The following CACNA1C variants were observed in gnomAD, a reference collection of about 807,000 sequenced individuals.
The protein encoded by CACNA1C is calcium voltage-gated channel subunit alpha1 C.
Under a neutral mutation model 229.0 loss-of-function variants are expected in CACNA1C, and 30 were observed. The ratio of observed to expected loss-of-function variants is 0.13; its 90% CI spans 0.10 to 0.18. The LOEUF (loss-of-function observed/expected upper bound fraction) is 0.18, where lower values mean the gene tolerates loss of function less well. Ranked by LOEUF, CACNA1C falls within the 10% of genes least tolerant of loss-of-function variation. The pLI is 1.00. For missense variants in CACNA1C, 1,658 were observed against 2,845.0 expected, an observed-to-expected ratio of 0.58 and a Z score of 9.49; for synonymous variants, 1,114 against 1,132.5, an observed-to-expected ratio of 0.98 and a Z score of 0.33.
chr12:1,988,233 C>A (rs112597841), intron 1 of CACNA1C, among the ~76,000 whole-genome samples: 4,165 of 152,302 alleles, frequency 0.027, 94 homozygotes, highest in Middle Eastern at 0.054. Context: ...ATTGTTACCT[C>A]TGTGCCATGT....
intron 13 of CACNA1C, among the ~76,000 whole-genome samples, chr12:2,580,493 G>A (rs1283665454): frequency 6.6e-6 from 1 of 152,160 alleles, no homozygotes; most frequent in African/African-American, 2.4e-5. Context: ...GGAGGCAGGT[G>A]GGCCAGAGGG....
intron 3 of CACNA1C, among the ~76,000 whole-genome samples, chr12:2,249,191 C>T (rs1566663182): frequency 6.6e-6 from 1 of 152,172 alleles, no homozygotes. Flanking sequence ...CTGGGCCTCA[C>T]TTTTCTCATC....
intron 5 of CACNA1C, among the ~76,000 whole-genome samples, chr12:2,484,135 C>A (rs2099688005): frequency 6.6e-6 from 1 of 152,184 alleles, no homozygotes; most frequent in African/African-American, 2.4e-5. Context: ...CATAACATTT[C>A]AAACTGAGGT....
chr12:2,357,393 T>G (rs1411131468), intron 3 of CACNA1C, among the ~76,000 whole-genome samples: 4 of 152,212 alleles, frequency 2.6e-5, no homozygotes, highest in African/African-American at 9.7e-5. Flanking sequence ...CTTGGCCTTC[T>G]TAAAGATGTA....
At position 2,512,747 on chromosome 12, in the gene CACNA1C, A is replaced by G; in HGVS notation, c.1218-65A>G. The G allele has an allele frequency of 8.0e-7, 1 of 1,249,060 alleles. No individual in the cohort carries two copies. The highest frequency in any genetic ancestry group is 2.4e-5 in the East Asian group (1 of 40,894). 77.4% of individuals were successfully genotyped at this position (1,249,060 alleles called of 1,614,324 possible). On this transcript the variant is annotated intron_variant, in intron 8 of 46. Coordinates refer to ENST00000399655, the MANE Select transcript of CACNA1C (RefSeq NM_000719.7). The surrounding 1 kb of genome is among the most constrained non-coding windows in gnomAD (Gnocchi z 4.3). Reference sequence around the variant, plus strand: ...ATCTCCATCTCTCCTTCCATCCTCGACCCTTCTCGGTGCTCCCTCCTTCTC... The same window carrying G: ...ATCTCCATCTCTCCTTCCATCCTCGGCCCTTCTCGGTGCTCCCTCCTTCTC...
chr12:2,422,127 C>T (rs2098985513), intron 3 of CACNA1C, among the ~76,000 whole-genome samples: 1 of 152,036 alleles, frequency 6.6e-6, no homozygotes, highest in Non-Finnish European at 1.5e-5. Flanking sequence ...ATTCAGTTTC[C>T]AAAAAGTAAA....
chr12:2,090,600 G>C (rs1459002873), intron 1 of CACNA1C, among the ~76,000 whole-genome samples: 1 of 152,148 alleles, frequency 6.6e-6, no homozygotes, highest in Admixed American at 6.5e-5. Flanking sequence ...TTACAGGCAT[G>C]AGCCACCGTG....
At chr12:2,641,322 T>A in intron 30 of CACNA1C, 1 of 171,578 alleles carries the variant, frequency 5.8e-6, no homozygotes, top group Non-Finnish European at 1.2e-5. Context: ...TTTTCACAGG[T>A]TTTTCACAGC....
chr12:2,121,541 G>C lies in CACNA1C; in HGVS notation c.477+1111G>C, dbSNP rs375176077. Among the ~76,000 whole-genome samples, 42 of 152,332 alleles carry C rather than the reference G, an allele frequency of 2.8e-4. No individual in the cohort carries two copies. In the South Asian group the frequency reaches 8.3e-3, roughly 30 times the overall value. On this transcript the variant is annotated intron_variant, in intron 3 of 46. Transcript: ENST00000399655. ...CACCGCCTGCGGGCTGTGGTGTCTTGTGGCTCGGCTTGGGGCCCTTTGTTG... is the reference window on the plus strand; with the variant it reads ...CACCGCCTGCGGGCTGTGGTGTCTTCTGGCTCGGCTTGGGGCCCTTTGTTG...
At chr12:2,106,710 T>C in intron 1 of CACNA1C, among the ~76,000 whole-genome samples, 1 of 113,868 alleles carries the variant, frequency 8.8e-6, no homozygotes, top group Non-Finnish European at 1.8e-5. Flanking sequence ...CCGGGGAGGG[T>C]TTCCACCTCA....
At chr12:2,120,692 G>GTGTGTGTGTGTGTGTGTGTGTT (rs764879260) in intron 3 of CACNA1C, among the ~76,000 whole-genome samples, 167 of 150,642 alleles carry the variant, frequency 1.1e-3, no homozygotes, top group Middle Eastern at 3.4e-3. Context: ...GTGTGTGTGT[G>GTGTGTGTGTGTGTGTGTGTGTT]TGTGTTTAGT....
At chr12:2,607,325 T>C (rs193086927) in intron 26 of CACNA1C, 195 bp downstream of exon 26, 22 of 562,978 alleles carry the variant, frequency 3.9e-5, no homozygotes, top group Non-Finnish European at 6.3e-5. Flanking sequence ...CTTCTTTCTC[T>C]AGAAGGTGTC....
chr12:2,524,571 C>A (rs1038501159), intron 9 of CACNA1C, among the ~76,000 whole-genome samples: 4 of 152,244 alleles, frequency 2.6e-5, no homozygotes, highest in African/African-American at 9.6e-5. Context: ...ACTTTTCACC[C>A]CACGGTGGAG....
At chr12:2,627,397 C>T (rs923538090) in intron 29 of CACNA1C, among the ~76,000 whole-genome samples, 1 of 152,128 alleles carries the variant, frequency 6.6e-6, no homozygotes, top group African/African-American at 2.4e-5. Flanking sequence ...GGGATCAACT[C>T]TGCATAGACA....
intron 3 of CACNA1C, among the ~76,000 whole-genome samples, chr12:2,408,708 G>A (rs896647212): frequency 3.9e-5 from 6 of 152,148 alleles, no homozygotes; most frequent in African/African-American, 1.4e-4. Flanking sequence ...CTTTCTGGAA[G>A]CAGAAGTCTC....
intron 3 of CACNA1C, among the ~76,000 whole-genome samples, chr12:2,185,377 C>A (rs2096966250): frequency 6.6e-6 from 1 of 152,202 alleles, no homozygotes; most frequent in Non-Finnish European, 1.5e-5. Context: ...GCCCACCTGT[C>A]TCTTGGCTGA....
intron 8 of CACNA1C, among the ~76,000 whole-genome samples, chr12:2,511,061 A>T (rs1163767656): frequency 6.6e-6 from 1 of 152,206 alleles, no homozygotes; most frequent in Admixed American, 6.5e-5. Flanking sequence ...TGGGAAAAAA[A>T]TGAAGGTACC....
intron 3 of CACNA1C, among the ~76,000 whole-genome samples, chr12:2,395,739 A>G (rs1030919051): frequency 2.6e-5 from 4 of 152,076 alleles, no homozygotes; most frequent in Non-Finnish European, 4.4e-5. Context: ...CAGCACCTCT[A>G]TGTGCATCCC....
chr12:2,026,587 G>A (rs74550575), intron 1 of CACNA1C, among the ~76,000 whole-genome samples: 3,066 of 152,284 alleles, frequency 0.02, 56 homozygotes, highest in Non-Finnish European at 0.033. Context: ...TGCGTGGGAA[G>A]TTGCAGATGC....
Sources: gnomAD v4.1 joint callset for allele counts (sites outside exome capture counted in the v4.1 genomes callset) on GRCh38, gnomAD v4.1.1 for gene constraint, Gnocchi (gnomAD v3.1) non-coding constraint, MANE v1.5 for transcripts, NCBI Gene and HGNC (gene_info 2026-07-23, HGNC 2026-07-21) for gene names.